The following POLN variants were observed in gnomAD, a reference collection of about 807,000 sequenced individuals.
POLN encodes the protein DNA polymerase nu.
In POLN, 108 loss-of-function variants were observed where a neutral mutation model predicts 113.5. The observed-to-expected ratio is 0.95, with a 90% CI of 0.81 to 1.12. The LOEUF is 1.12. POLN is among the 50% of genes most tolerant of loss of function. The probability of loss-of-function intolerance (pLI) is 0.00; values close to 1 mark genes in which losing one functional copy is unlikely to be tolerated. For synonymous variants in POLN, 386 were observed against 391.5 expected (o/e 0.99, Z 0.17); for missense variants, 1,097 against 1,077.1 (o/e 1.02, Z -0.26).
At chr4:2,181,059 G>A (rs557357594) in intron 7 of POLN, among the ~76,000 whole-genome samples, 4 of 151,726 alleles carry the variant, frequency 2.6e-5, no homozygotes, top group African/African-American at 4.8e-5. Flanking sequence ...CTAAACTGGC[G>A]CAAGACACAA....
At chr4:2,092,679 T>A (rs1730696762) in intron 20 of POLN, among the ~76,000 whole-genome samples, 1 of 152,214 alleles carries the variant, frequency 6.6e-6, no homozygotes, top group Admixed American at 6.5e-5. Context: ...TTCTCAAGAA[T>A]GTGTAGGAAT....
chr4:2,214,905 GTA>G (rs972610167), intron 3 of POLN, among the ~76,000 whole-genome samples: 2 of 150,488 alleles, frequency 1.3e-5, no homozygotes, highest in African/African-American at 4.9e-5. Context: ...ACATATATAT[GTA>G]TATACATATA....
At chr4:2,135,597 G>A (rs993203466) in intron 16 of POLN, among the ~76,000 whole-genome samples, 6 of 152,324 alleles carry the variant, frequency 3.9e-5, no homozygotes, top group African/African-American at 7.2e-5. Flanking sequence ...CATACAGCAC[G>A]TGAACTACCA....
chr4:2,225,139 A>G (rs1734351442), intron 3 of POLN, among the ~76,000 whole-genome samples: 1 of 152,162 alleles, frequency 6.6e-6, no homozygotes, highest in Non-Finnish European at 1.5e-5. Context: ...TAATCATAGA[A>G]AAAAATTAAC....
At chr4:2,178,674 C>T (rs1379380318) in intron 8 of POLN, among the ~76,000 whole-genome samples, 8 of 151,644 alleles carry the variant, frequency 5.3e-5, no homozygotes, top group African/African-American at 1.7e-4. Flanking sequence ...TTCAGTGGCA[C>T]AATCTTGGCT....
intron 19 of POLN, among the ~76,000 whole-genome samples, chr4:2,112,846 G>C (rs906863867): frequency 2.0e-5 from 3 of 152,128 alleles, no homozygotes; most frequent in Non-Finnish European, 4.4e-5. Context: ...CAGGGATCTA[G>C]AACTAGAAAT....
intron 20 of POLN, among the ~76,000 whole-genome samples, chr4:2,091,539 G>T (rs1047951896): frequency 2.0e-5 from 3 of 152,074 alleles, no homozygotes; most frequent in Admixed American, 6.5e-5. Context: ...ATGGCTTTTG[G>T]CTCTGTGGGG....
At chr4:2,139,410 T>C (rs902351259) in intron 16 of POLN, among the ~76,000 whole-genome samples, 1 of 152,214 alleles carries the variant, frequency 6.6e-6, no homozygotes, top group East Asian at 1.9e-4. Context: ...AGTTCCTTAG[T>C]GGGTCACAAA....
chr4:2,072,346 C>T, intron 25 of POLN, 47 bp from the exon 26 acceptor site: 3 of 1,456,526 alleles, frequency 2.1e-6, no homozygotes, highest in Non-Finnish European at 2.7e-6. Flanking sequence ...GCCAGCCACC[C>T]CCAGCCACCT....
intron 11 of POLN, among the ~76,000 whole-genome samples, chr4:2,171,508 T>C (rs1047210977): frequency 6.6e-6 from 1 of 151,260 alleles, no homozygotes; most frequent in Admixed American, 6.6e-5. Flanking sequence ...TTGCAGTGAG[T>C]TATAACTGTG....
At chr4:2,229,490 A>T (rs1358690278) in intron 2 of POLN, 1 of 301,072 alleles carries the variant, frequency 3.3e-6, no homozygotes, top group East Asian at 6.6e-5. Flanking sequence ...ATTTAGAAGC[A>T]ATCTACTCAA....
intron 7 of POLN, among the ~76,000 whole-genome samples, chr4:2,184,988 CT>C (rs1386383378): frequency 6.6e-6 from 1 of 152,062 alleles, no homozygotes; most frequent in Non-Finnish European, 1.5e-5. Context: ...TTTATCTTGG[CT>C]TTTCTATATG....
Position 2,188,386 on chromosome 4 carries a change from G to A in POLN, c.1021+4818C>T, listed in dbSNP as rs544219342. ...GAGGCCGAGGTGGGCAGATCACGAG[G>A]TCAGGAGATCAAGACCATCCTGGCT... On this transcript the variant is annotated intron_variant, in intron 7 of 25. Coordinates refer to ENST00000511885, the MANE Select transcript of POLN (RefSeq NM_181808.4). Among the ~76,000 whole-genome samples, 9 of 152,256 alleles carry A rather than the reference G, an allele frequency of 5.9e-5. No individual in the cohort carries two copies. In the South Asian group the frequency reaches 1.9e-3, roughly 32 times the overall value.
At chr4:2,241,862 C>G (rs960566310) in intron 1 of POLN, 72 bp from the exon 2 acceptor site, 91 of 985,436 alleles carry the variant, frequency 9.2e-5, no homozygotes, top group Non-Finnish European at 1.1e-4. Flanking sequence ...GGTGACAGGC[C>G]CCGCACAGCC....
intron 16 of POLN, among the ~76,000 whole-genome samples, chr4:2,145,235 A>G (rs1732106900): frequency 6.6e-6 from 1 of 152,186 alleles, no homozygotes; most frequent in African/African-American, 2.4e-5. Flanking sequence ...GAGGATCTTT[A>G]TGATCTCCAA....
chr4:2,075,788 G>C (rs1163162115), intron 23 of POLN, among the ~76,000 whole-genome samples: 1 of 152,232 alleles, frequency 6.6e-6, no homozygotes, highest in African/African-American at 2.4e-5. Context: ...TGGGAGAAGG[G>C]GCAATAGGGA....
At position 2,106,611 on chromosome 4, in the gene POLN, A is replaced by G. The variant is rs147300302; in HGVS notation, c.1983-10678T>C. Among the ~76,000 whole-genome samples, 296 of 152,336 alleles carry G rather than the reference A, an allele frequency of 1.9e-3. 2 individuals are homozygous for G. The highest frequency in any genetic ancestry group is 5.8e-3 in the African/African-American group (243 of 41,574). The stretch of plus-strand genomic sequence containing the variant: ...CACAGGATCAGTAAACAGAAAGCCC[A>G]GGGCTCTTACAGATGATTATTTAAC... On this transcript the variant is annotated intron_variant, in intron 19 of 25. Coordinates refer to ENST00000511885, the MANE Select transcript of POLN (RefSeq NM_181808.4).
At chr4:2,105,768 C>A (rs953635827) in intron 19 of POLN, among the ~76,000 whole-genome samples, 5 of 152,042 alleles carry the variant, frequency 3.3e-5, no homozygotes, top group African/African-American at 9.6e-5. Flanking sequence ...ACATTCCACA[C>A]AAGTCTGTCC....
At chr4:2,166,057 G>A (rs2108744915) in intron 13 of POLN, among the ~76,000 whole-genome samples, 1 of 152,288 alleles carries the variant, frequency 6.6e-6, no homozygotes, top group Admixed American at 6.5e-5. Flanking sequence ...GATTATAGGT[G>A]TGAGCCACCA....
Sources: allele counts gnomAD v4.1 joint callset (sites outside exome capture counted in the v4.1 genomes callset), GRCh38; gene constraint gnomAD v4.1.1; transcripts MANE v1.5; gene names NCBI Gene and HGNC (gene_info 2026-07-23, HGNC 2026-07-21).